HYDIN: variants seen among roughly 807,000 people sequenced by gnomAD.
HYDIN encodes HYDIN axonemal central pair apparatus protein, also known as axonemal central pair apparatus protein HYDIN.
Under a neutral mutation model 403.9 loss-of-function variants are expected in HYDIN, and 132 were observed. The ratio of observed to expected loss-of-function variants is 0.33; its 90% CI spans 0.28 to 0.38. The LOEUF is 0.38. Ranked by LOEUF, HYDIN falls within the 10% of genes least tolerant of loss-of-function variation. The pLI, the probability that HYDIN is intolerant of heterozygous loss-of-function variation, is 1.00. For synonymous variants in HYDIN, 1,202 were observed against 1,891.7 expected (o/e 0.64, Z 9.46); for missense variants, 2,827 against 5,009.5 (o/e 0.56, Z 13.15).
At chr16:70,909,154 T>C (rs927235109) in intron 47 of HYDIN, among the ~76,000 whole-genome samples, 2 of 151,532 alleles carry the variant, frequency 1.3e-5, no homozygotes, top group Non-Finnish European at 2.9e-5. Context: ...TGTAGCCTTC[T>C]TGGTACCACT....
At chr16:70,880,841 C>T (rs1349157881) in intron 60 of HYDIN, among the ~76,000 whole-genome samples, 3 of 152,176 alleles carry the variant, frequency 2.0e-5, no homozygotes, top group African/African-American at 7.2e-5. Context: ...TTTCTCTTTG[C>T]TTTTTCCAAA....
At chr16:70,944,101 G>A (rs116056354) in intron 41 of HYDIN, 152 bp from the exon 42 acceptor site, 5,420 of 637,378 alleles carry the variant, frequency 8.5e-3, no homozygotes, top group African/African-American at 0.085. Context: ...GAAGGACCCT[G>A]TCTTCCTTAA....
At chr16:71,208,924 G>T (rs560696040) in intron 1 of HYDIN, among the ~76,000 whole-genome samples, 1 of 152,114 alleles carries the variant, frequency 6.6e-6, no homozygotes, top group African/African-American at 2.4e-5. Context: ...ACCAAAGAAA[G>T]CCCAGGACCA....
chr16:70,842,963 C>A (rs758093389), intron 75 of HYDIN, among the ~76,000 whole-genome samples: 1 of 151,690 alleles, frequency 6.6e-6, no homozygotes, highest in Non-Finnish European at 1.5e-5. Flanking sequence ...CAATTAACAT[C>A]TACATTTAAA....
intron 45 of HYDIN, among the ~76,000 whole-genome samples, chr16:70,922,194 C>T (rs765355577): frequency 2.0e-5 from 3 of 152,164 alleles, no homozygotes; most frequent in Non-Finnish European, 4.4e-5. Flanking sequence ...CCAACACAGC[C>T]TGGGGAGGCA....
intron 23 of HYDIN, among the ~76,000 whole-genome samples, chr16:71,009,116 G>A (rs566905185): frequency 0.023 from 3,378 of 149,202 alleles, 37 homozygotes; most frequent in Non-Finnish European, 0.033. Context: ...CAGTGCCAGT[G>A]AGTTACAGCA....
intron 45 of HYDIN, among the ~76,000 whole-genome samples, chr16:70,925,830 T>C (rs190619260): frequency 3.9e-5 from 6 of 152,224 alleles, no homozygotes; most frequent in East Asian, 1.9e-4. Flanking sequence ...CAAAAGAAGA[T>C]ATTTATGCAG....
intron 10 of HYDIN, among the ~76,000 whole-genome samples, chr16:71,096,265 G>T (rs1316911327): frequency 6.6e-6 from 1 of 151,160 alleles, no homozygotes; most frequent in Non-Finnish European, 1.5e-5. Flanking sequence ...TCTTCTGATA[G>T]ATTTAATTTT....
intron 1 of HYDIN, among the ~76,000 whole-genome samples, chr16:71,191,096 CTG>C (rs2087413567): frequency 6.6e-6 from 1 of 152,104 alleles, no homozygotes; most frequent in Non-Finnish European, 1.5e-5. Flanking sequence ...ATTTTAAAAA[CTG>C]AATAATGGAT....
chr16:71,212,619 G>C (rs1246568191), intron 1 of HYDIN, among the ~76,000 whole-genome samples: 1 of 152,072 alleles, frequency 6.6e-6, no homozygotes, highest in African/African-American at 2.4e-5. Context: ...AATTACTAAA[G>C]TAGAAAATAG....
chr16:71,073,856 T>C (rs2082546187), intron 13 of HYDIN, among the ~76,000 whole-genome samples: 1 of 152,146 alleles, frequency 6.6e-6, no homozygotes, highest in Non-Finnish European at 1.5e-5. Flanking sequence ...CTCATGCTAC[T>C]GCAGCTGTAG....
intron 10 of HYDIN, among the ~76,000 whole-genome samples, chr16:71,101,982 A>C (rs113095372): frequency 2.6e-5 from 4 of 152,274 alleles, no homozygotes; most frequent in South Asian, 2.1e-4. Context: ...TATATATTCA[A>C]ATAATAGAAT....
chr16:71,191,274 T>C (rs75052193), intron 1 of HYDIN, among the ~76,000 whole-genome samples: 7,894 of 152,282 alleles, frequency 0.052, 273 homozygotes, highest in Non-Finnish European at 0.071. Context: ...TCATCGTTTG[T>C]TTTGTTGAGA....
At chr16:71,063,622 C>T (rs1176304306) in intron 16 of HYDIN, among the ~76,000 whole-genome samples, 1 of 152,164 alleles carries the variant, frequency 6.6e-6, no homozygotes, top group Non-Finnish European at 1.5e-5. Flanking sequence ...AGTGTTAGAC[C>T]TTGTCTCCTG....
At chr16:70,855,859 A>AT (rs141831827) in intron 72 of HYDIN, among the ~76,000 whole-genome samples, 50 of 152,258 alleles carry the variant, frequency 3.3e-4, no homozygotes, top group Non-Finnish European at 5.0e-4. Flanking sequence ...TTAGCAAATA[A>AT]TTTTTTGGTA....
intron 2 of HYDIN, among the ~76,000 whole-genome samples, chr16:71,186,500 T>C (rs1937147091): frequency 6.6e-6 from 1 of 152,082 alleles, no homozygotes; most frequent in African/African-American, 2.4e-5. Flanking sequence ...ATTTAGAAAA[T>C]CTTAATAGTT....
chr16:71,109,132 C>A (rs1325401800), intron 10 of HYDIN, among the ~76,000 whole-genome samples: 1 of 151,564 alleles, frequency 6.6e-6, no homozygotes, highest in Admixed American at 6.6e-5. Flanking sequence ...TTCTGGGGGT[C>A]AGGACCTGGA....
At position 70,908,843 on chromosome 16, in the gene HYDIN, T is replaced by G; in HGVS notation, c.8023A>C (p.Ser2675Arg). ...TTCTGTTTGCCCCCCTTAGATGAGCTGGTCTGCTCCTCTTGAGCCTTAATT... is the reference window on the plus strand; with the variant it reads ...TTCTGTTTGCCCCCCTTAGATGAGCGGGTCTGCTCCTCTTGAGCCTTAATT... ...NTTKAQEEQT[S>R]SSKGGKQKMK... The change falls in exon 48 of 86, where the codon AGC becomes CGC. Residue 2675 changes from serine to arginine, a missense_variant. Transcript: ENST00000393567. 1.2e-6 allele frequency: 2 copies of G among 1,612,152 alleles called. No individual in the cohort carries two copies. The highest frequency in any genetic ancestry group is 1.7e-6 in the Non-Finnish European group (2 of 1,179,576).
intron 23 of HYDIN, among the ~76,000 whole-genome samples, chr16:70,994,335 G>C (rs1597491439): frequency 6.6e-6 from 1 of 151,636 alleles, no homozygotes; most frequent in South Asian, 2.1e-4. Context: ...TGTTGAATGA[G>C]AACAGTTGAA....
Sources: gnomAD v4.1 joint callset for allele counts (sites outside exome capture counted in the v4.1 genomes callset) on GRCh38, gnomAD v4.1.1 for gene constraint, MANE v1.5 for transcripts, NCBI Gene and HGNC (gene_info 2026-07-23, HGNC 2026-07-21) for gene names.